The following CYP4B1 variants were observed in gnomAD, a reference collection of about 807,000 sequenced individuals.
CYP4B1 encodes the protein cytochrome P450 4B1.
CYP4B1 carries 45 observed loss-of-function variants against 54.0 expected under a neutral mutation model. The ratio of observed to expected loss-of-function variants is 0.83; its 90% confidence interval spans 0.66 to 1.07. The LOEUF (loss-of-function observed/expected upper bound fraction) is 1.07. Among genes scored for constraint, CYP4B1 ranks in the 50% least tolerant of loss-of-function variants. The probability of loss-of-function intolerance (pLI) is 0.00; values close to 1 mark genes in which losing one functional copy is unlikely to be tolerated. For synonymous variants in CYP4B1, 248 were observed against 247.5 expected (o/e 1.00, Z -0.02); for missense variants, 656 against 655.4 (o/e 1.00, Z -0.01).
intron 9 of CYP4B1, among the ~76,000 whole-genome samples, chr1:46,817,649 C>CTGT (rs1679389243): frequency 1.3e-5 from 2 of 152,168 alleles, no homozygotes; most frequent in Non-Finnish European, 2.9e-5. Context: ...TAATAACTTC[C>CTGT]CAAGAGTCAG....
intron 1 of CYP4B1, among the ~76,000 whole-genome samples, chr1:46,804,362 G>T (rs1315841398): frequency 6.6e-6 from 1 of 152,164 alleles, no homozygotes; most frequent in Non-Finnish European, 1.5e-5. Flanking sequence ...GTTAGATTAT[G>T]AAGGGATGAG....
intron 5 of CYP4B1, 78 bp from the exon 6 acceptor site, chr1:46,813,831 G>C: frequency 6.4e-7 from 1 of 1,558,946 alleles, no homozygotes; most frequent in Non-Finnish European, 8.8e-7. Context: ...GTTGGGGCTA[G>C]ATTCCTGGAA....
At chr1:46,803,380 C>T (rs1185126978) in intron 1 of CYP4B1, among the ~76,000 whole-genome samples, 1 of 152,068 alleles carries the variant, frequency 6.6e-6, no homozygotes, top group Non-Finnish European at 1.5e-5. Flanking sequence ...GGCGTTGAGA[C>T]CTCCACCATA....
chr1:46,807,512 A>C (rs1200440167), intron 1 of CYP4B1, among the ~76,000 whole-genome samples: 1 of 152,210 alleles, frequency 6.6e-6, no homozygotes, highest in Non-Finnish European at 1.5e-5. Context: ...ATGGAAAAAT[A>C]AGACAGACAC....
At chr1:46,815,940 G>T (rs1284239614) in intron 8 of CYP4B1, among the ~76,000 whole-genome samples, 1 of 152,142 alleles carries the variant, frequency 6.6e-6, no homozygotes, top group Non-Finnish European at 1.5e-5. Flanking sequence ...GGGCTCCTGA[G>T]CAGCCTCCAA....
At chr1:46,809,133 A>AAAC (rs147841969) in intron 1 of CYP4B1, among the ~76,000 whole-genome samples, 1 of 150,942 alleles carries the variant, frequency 6.6e-6, no homozygotes, top group East Asian at 2.0e-4. Context: ...AAAAACCCAA[A>AAAC]AAACAAACAA....
Position 46,818,891 on chromosome 1 carries a change from G to A in CYP4B1, c.*77G>A. 6.6e-7 allele frequency: 1 copy of A among 1,505,670 alleles called. No individual in the cohort carries two copies. The highest frequency in any genetic ancestry group is 9.1e-7 in the Non-Finnish European group (1 of 1,103,100). The allele number at this position is 1,505,670 out of a possible 1,614,324, so 93.3% of individuals were successfully genotyped here. A position where few individuals can be genotyped will look rare whatever the true frequency, so the allele number is the denominator to read the frequency against. On this transcript the variant is annotated 3_prime_UTR_variant, in exon 12 of 12. Coordinates refer to ENST00000371923, the MANE Select transcript of CYP4B1 (RefSeq NM_001099772.2). ...CCACCCTCCCCAGGCTGGGTGTGGAGGAGTTGGGGCCCCCTGCCTTCAGGA... is the reference window on the plus strand; with the variant it reads ...CCACCCTCCCCAGGCTGGGTGTGGAAGAGTTGGGGCCCCCTGCCTTCAGGA...
chr1:46,799,620 T>C (rs1307185191), intron 1 of CYP4B1, among the ~76,000 whole-genome samples: 1 of 152,220 alleles, frequency 6.6e-6, no homozygotes, highest in East Asian at 1.9e-4. Context: ...AGGCAATCCA[T>C]TGAAAGCTCA....
rs45527338 is a variant in CYP4B1, at chr1:46,813,789, G to A, written c.621-120G>A. The A allele has an allele frequency of 3.4e-3, 4,906 of 1,447,636 alleles. 110 individuals carry two copies. The African/African-American group carries it at 0.058, about 17-fold the overall frequency. 89.7% of individuals were successfully genotyped at this position (1,447,636 alleles called of 1,614,324 possible). A position where few individuals can be genotyped will look rare whatever the true frequency, so the allele number is the denominator to read the frequency against. ...ACCTGGCTTTAGCAAGGAGGCTTAA[G>A]GGCAGGGAGAAGAAGAGCAGGATGC... is the stretch of plus-strand genomic sequence containing the variant. On this transcript the variant is annotated intron_variant, in intron 5 of 11. Coordinates refer to ENST00000371923, the MANE Select transcript of CYP4B1 (RefSeq NM_001099772.2).
intron 8 of CYP4B1, among the ~76,000 whole-genome samples, chr1:46,816,188 G>T (rs929617887): frequency 6.6e-6 from 1 of 152,170 alleles, no homozygotes; most frequent in Non-Finnish European, 1.5e-5. Flanking sequence ...TGCTCGTGGG[G>T]AGTTTTATGG....
Position 46,811,178 on chromosome 1 carries a change from T to G in CYP4B1, c.361T>G (p.Trp121Gly), listed in dbSNP as rs779577301. 2 of 1,614,150 alleles carry G rather than the reference T, an allele frequency of 1.2e-6. No homozygotes were observed. Among genetic ancestry groups the G allele is most frequent in the South Asian group, 2.2e-5 (2 of 91,074 alleles). ...APDVYDFFLQ[W>G]IGRGLLVLEG... ...TGATGTGTATGACTTCTTCCTCCAGTGGATTGGTGAGTGAGCACCTGCCTT... is the reference window on the plus strand; with the variant it reads ...TGATGTGTATGACTTCTTCCTCCAGGGGATTGGTGAGTGAGCACCTGCCTT... The change falls in exon 3 of 12, where the codon TGG becomes GGG. Residue 121 changes from tryptophan (W) to glycine (G), a missense_variant. Trp to Gly is a radical substitution (Grantham distance 184). Coordinates refer to ENST00000371923, the MANE Select transcript of CYP4B1 (RefSeq NM_001099772.2).
chr1:46,816,780 C>G (rs947223993), intron 8 of CYP4B1, among the ~76,000 whole-genome samples: 5 of 152,138 alleles, frequency 3.3e-5, no homozygotes, highest in African/African-American at 9.7e-5. Flanking sequence ...TCTTTGATGG[C>G]TGGGTGCACC....
At position 46,817,162 on chromosome 1, in the gene CYP4B1, T is replaced by C; in HGVS notation, c.1188T>C (p.Asp396=). The C allele has an allele frequency of 1.2e-6, 2 of 1,614,182 alleles. No individual in the cohort carries two copies. The highest frequency in any genetic ancestry group is 1.7e-6 in the Non-Finnish European group (2 of 1,180,006). The part of the protein sequence containing the change: ...RQLSKPVTFV[D]GRSLPAGSLI... The stretch of plus-strand genomic sequence containing the variant: ...TCAGCAAGCCTGTCACCTTTGTGGA[T>C]GGCCGGTCTCTACCTGCAGGTGGGA... Residue 396 remains aspartate, a synonymous_variant, in exon 9 of 12, where the codon GAT becomes GAC. Transcript: ENST00000371923.
intron 1 of CYP4B1, among the ~76,000 whole-genome samples, chr1:46,803,624 C>T (rs922981010): frequency 9.9e-5 from 15 of 152,166 alleles, no homozygotes; most frequent in Admixed American, 3.9e-4. Flanking sequence ...CAGTGGTGGG[C>T]AGCACTTGTC....
At chr1:46,816,581 G>GACACACACACACACACACAC (rs3066413) in intron 8 of CYP4B1, among the ~76,000 whole-genome samples, 3,493 of 146,630 alleles carry the variant, frequency 0.024, 69 homozygotes, top group Non-Finnish European at 0.035. Flanking sequence ...AAAGGGAAAA[G>GACACACACACACACACACAC]ACACACACAC....
rs1679416812 is a variant in CYP4B1 at position 46,818,212 on chromosome 1, A to G, written c.1354A>G (p.Arg452Gly). 1 of 1,613,746 alleles carries G rather than the reference A, an allele frequency of 6.2e-7. No individual in the cohort carries two copies. The highest frequency in any genetic ancestry group is 2.2e-5 in the East Asian group (1 of 44,870). Residue 452 changes from arginine (R) to glycine (G), a missense_variant and splice_region_variant, in exon 11 of 12, where the codon AGG becomes GGG. Coordinates refer to ENST00000371923, the MANE Select transcript of CYP4B1 (RefSeq NM_001099772.2). ...CTTTATGCCCTTCTCTGCTGGGCCC[A>G]GGTATGGAGAGACCCAGTATCCCAG... ...FAFMPFSAGP[R>G]NCIGQQFAMS...
At position 46,813,622 on chromosome 1, in the gene CYP4B1, G is replaced by A. The variant is rs201469982; in HGVS notation, c.620+16G>A. On this transcript the variant is annotated intron_variant, in intron 5 of 11. Transcript: ENST00000371923. ...TGGGCCACAGGTCAGGAGCCACCTC[G>A]GGGCTGACCGCACTGTCTCCAAAGC... 25 of 1,613,228 alleles carry A rather than the reference G, an allele frequency of 1.5e-5. No individual in the cohort carries two copies. In the East Asian group the frequency reaches 1.6e-4, roughly 10 times the overall value.
intron 3 of CYP4B1, 45 bp from the exon 4 acceptor site, chr1:46,812,451 C>T (rs1345589721): frequency 6.3e-7 from 1 of 1,583,004 alleles, no homozygotes; most frequent in East Asian, 2.3e-5. Context: ...CCCAGGCTGC[C>T]AGGGCCTGGA....
In CYP4B1 at chr1:46,818,944, A is replaced by C; in HGVS notation, c.*130A>C. 1.3e-6 allele frequency: 1 copy of C among 746,908 alleles called. No individual in the cohort carries two copies. 46.3% of individuals were successfully genotyped at this position (746,908 alleles called of 1,614,324 possible). ...CTTGTAGTTTAGAAGGGAAGTAGGC[A>C]TTACCATAGACGACTCCTAGAGGAC... On this transcript the variant is annotated 3_prime_UTR_variant, in exon 12 of 12. Transcript: ENST00000371923.
Sources: gnomAD v4.1 joint callset for allele counts (sites outside exome capture counted in the v4.1 genomes callset) on GRCh38, gnomAD v4.1.1 for gene constraint, MANE v1.5 for transcripts, NCBI Gene and HGNC (gene_info 2026-07-23, HGNC 2026-07-21) for gene names.